The following MOXD1 variants were observed in gnomAD, a reference collection of about 807,000 sequenced individuals.
MOXD1 encodes monooxygenase DBH like 1.
A neutral mutation model predicts 66.6 loss-of-function variants in MOXD1; 62 were observed. The ratio of observed to expected loss-of-function variants is 0.93; its 90% CI spans 0.76 to 1.15. The LOEUF (loss-of-function observed/expected upper bound fraction) is 1.15, where lower values mean the gene tolerates loss of function less well. MOXD1 is among the 50% of genes most tolerant of loss of function. MOXD1 has a pLI of 0.00. For missense variants in MOXD1, 847 were observed against 754.6 expected (o/e 1.12, Z -1.44); for synonymous variants, 303 against 281.9 (o/e 1.07, Z -0.75).
chr6:132,393,534 G>T (rs1042166553), intron 1 of MOXD1, among the ~76,000 whole-genome samples: 1 of 152,162 alleles, frequency 6.6e-6, no homozygotes, highest in African/African-American at 2.4e-5. Flanking sequence ...TCCTGCCACA[G>T]AATTCTACAA....
chr6:132,318,878 TG>T (rs986683936), intron 9 of MOXD1, among the ~76,000 whole-genome samples: 105 of 152,196 alleles, frequency 6.9e-4, no homozygotes, highest in African/African-American at 2.4e-3. Context: ...TTATGTCATA[TG>T]GATAGCCATT....
chr6:132,298,225 T>G (rs958215293), intron 10 of MOXD1, among the ~76,000 whole-genome samples: 1 of 152,196 alleles, frequency 6.6e-6, no homozygotes, highest in South Asian at 2.1e-4. Flanking sequence ...CTTGCTATGT[T>G]GCCCAGGTTG....
chr6:132,372,025 C>T (rs1776271671), intron 4 of MOXD1, among the ~76,000 whole-genome samples: 2 of 152,112 alleles, frequency 1.3e-5, no homozygotes, highest in Non-Finnish European at 2.9e-5. Flanking sequence ...TTTGTTCATT[C>T]GCTAAGTAGA....
At chr6:132,303,704 T>TACACACACACACACACACAC (rs772482923) in intron 10 of MOXD1, among the ~76,000 whole-genome samples, 31 of 134,750 alleles carry the variant, frequency 2.3e-4, no homozygotes, top group African/African-American at 6.0e-4. Flanking sequence ...GCTGACTGTA[T>TACACACACACACACACACAC]ACATACACAC....
chr6:132,305,658 T>C (rs1361404745), intron 10 of MOXD1, among the ~76,000 whole-genome samples: 1 of 152,186 alleles, frequency 6.6e-6, no homozygotes, highest in Non-Finnish European at 1.5e-5. Flanking sequence ...TAGGCACTCA[T>C]CTTTGCTGTT....
chr6:132,361,349 A>G (rs1426564020), intron 4 of MOXD1, among the ~76,000 whole-genome samples: 2 of 151,808 alleles, frequency 1.3e-5, no homozygotes, highest in East Asian at 3.9e-4. Context: ...CAATGCATCA[A>G]GGAATAAACT....
chr6:132,325,170 T>G (rs902940629), intron 6 of MOXD1: 4 of 152,188 alleles, frequency 2.6e-5, no homozygotes, highest in Non-Finnish European at 5.9e-5. Flanking sequence ...ATATTTGCTA[T>G]GTGTTTGTTG....
intron 1 of MOXD1, among the ~76,000 whole-genome samples, chr6:132,382,926 T>C (rs1372724773): frequency 6.6e-6 from 1 of 152,180 alleles, no homozygotes; most frequent in East Asian, 1.9e-4. Flanking sequence ...TCTATTTTTC[T>C]CTCAAATAAA....
intron 1 of MOXD1, among the ~76,000 whole-genome samples, chr6:132,386,428 CAAAACAAAA>C (rs1295866518): frequency 7.0e-5 from 6 of 86,032 alleles, no homozygotes; most frequent in African/African-American, 2.4e-4. Context: ...CAAAACAAAA[CAAAACAAAA>C]AAAAAAAACA....
chr6:132,376,501 CTTTTTTTTT>C (rs1166086289), intron 1 of MOXD1, among the ~76,000 whole-genome samples: 1 of 65,382 alleles, frequency 1.5e-5, no homozygotes, highest in Non-Finnish European at 2.4e-5. Context: ...ACTACAGCTT[CTTTTTTTTT>C]TTTTTTTTTT....
rs898741066 is a variant in MOXD1, at chr6:132,374,734, T to C, written c.308A>G (p.Gln103Arg). Residue 103 changes from glutamine to arginine, a missense_variant, in exon 2 of 12, where the codon CAG (glutamine) becomes CGG (arginine). Coordinates refer to ENST00000367963, the MANE Select transcript of MOXD1 (RefSeq NM_015529.4). ...NANRELKKDA[Q>R]QDYHLEYAME... ...GGCATATTCTAGATGGTAATCTTGC[T>C]GAGCATCTTTTTTCAACTCTCTATT... 1 of 1,614,014 alleles carries C rather than the reference T, an allele frequency of 6.2e-7. No homozygotes were observed. Among genetic ancestry groups the C allele is most frequent in the Non-Finnish European group, 8.5e-7 (1 of 1,179,922 alleles).
In MOXD1 at chr6:132,328,028, G is replaced by C; in HGVS notation, c.931C>G (p.Pro311Ala). 6.2e-7 allele frequency: 1 copy of C among 1,612,086 alleles called. No homozygotes were observed. The highest frequency in any genetic ancestry group is 8.5e-7 in the Non-Finnish European group (1 of 1,178,326). The change falls in exon 6 of 12, where the codon CCC becomes GCC. Residue 311 changes from proline to alanine, a missense_variant. Pro to Ala is a conservative substitution (Grantham distance 27, BLOSUM62 -1). Coordinates refer to ENST00000367963, the MANE Select transcript of MOXD1 (RefSeq NM_015529.4). ...YVLLEVHYDN[P>A]TYEEGLIDNS... Reference sequence around the variant, plus strand: ...ATAAACTCACCTTCCTCATAAGTGGGATTATCATAATGGACTTCTAGGAGC... The same window carrying C: ...ATAAACTCACCTTCCTCATAAGTGGCATTATCATAATGGACTTCTAGGAGC...
chr6:132,368,684 T>C (rs1776196329), intron 4 of MOXD1, among the ~76,000 whole-genome samples: 1 of 152,102 alleles, frequency 6.6e-6, no homozygotes, highest in South Asian at 2.1e-4. Flanking sequence ...ATTTAAATTT[T>C]AAATGTAATA....
intron 4 of MOXD1, among the ~76,000 whole-genome samples, chr6:132,337,566 A>G (rs1185544128): frequency 6.6e-6 from 1 of 152,224 alleles, no homozygotes; most frequent in African/African-American, 2.4e-5. Context: ...ACTTAGGATT[A>G]AGGCTATTTG....
chr6:132,396,847 C>A (rs1309979887), intron 1 of MOXD1, among the ~76,000 whole-genome samples: 1 of 152,126 alleles, frequency 6.6e-6, no homozygotes, highest in East Asian at 1.9e-4. Flanking sequence ...CCTGAATAGA[C>A]CAACAATCAG....
At chr6:132,318,567 C>A (rs1389896099) in intron 9 of MOXD1, among the ~76,000 whole-genome samples, 1 of 152,038 alleles carries the variant, frequency 6.6e-6, no homozygotes, top group African/African-American at 2.4e-5. Flanking sequence ...AAGCTAGATA[C>A]TAATGTCCTG....
rs1774929099 is a variant in MOXD1 at position 132,315,640 on chromosome 6, T to C, written c.1503A>G (p.Pro501=). The part of the protein sequence containing the change: ...QFIGVKEIYR[P]VTTWPFIIKS... ...AAAATACATTTACTACTTACGTGAC[T>C]GGTCTGTAGATCTCCTTAACCCCAA... The change falls in exon 10 of 12, where the codon CCA becomes CCG. Residue 501 remains proline, a synonymous_variant. Coordinates refer to ENST00000367963, the MANE Select transcript of MOXD1 (RefSeq NM_015529.4). The C allele has an allele frequency of 2.5e-6, 4 of 1,607,986 alleles. No individual in the cohort carries two copies. The highest frequency in any genetic ancestry group is 2.2e-5 in the East Asian group (1 of 44,776).
At chr6:132,343,545 A>G (rs1775606599) in intron 4 of MOXD1, among the ~76,000 whole-genome samples, 1 of 152,162 alleles carries the variant, frequency 6.6e-6, no homozygotes, top group African/African-American at 2.4e-5. Context: ...ACTGCACTCC[A>G]GCCTGGTCAA....
chr6:132,393,195 G>A (rs1370451000), intron 1 of MOXD1, among the ~76,000 whole-genome samples: 1 of 152,042 alleles, frequency 6.6e-6, no homozygotes, highest in Non-Finnish European at 1.5e-5. Context: ...GTGGGAAAAG[G>A]AAAGGAGAAT....
Sources: gnomAD v4.1 joint callset for allele counts (sites outside exome capture counted in the v4.1 genomes callset) on GRCh38, gnomAD v4.1.1 for gene constraint, MANE v1.5 for transcripts, NCBI Gene and HGNC (gene_info 2026-07-23, HGNC 2026-07-21) for gene names.